The following BCL2L14 variants were observed in gnomAD, a reference collection of about 807,000 sequenced individuals.
BCL2L14 encodes the protein BCL2 like 14.
BCL2L14 carries 27 observed loss-of-function variants against 35.3 expected under a neutral mutation model. That is an observed-to-expected ratio of 0.76 (90% CI 0.56 to 1.05). The LOEUF (loss-of-function observed/expected upper bound fraction) is 1.05. BCL2L14 is among the 50% of genes least tolerant of loss of function. The pLI is 0.00. For synonymous variants in BCL2L14, 139 were observed against 145.9 expected, an observed-to-expected ratio of 0.95 and a Z score of 0.34; for missense variants, 377 against 382.6, an observed-to-expected ratio of 0.99 and a Z score of 0.12.
chr12:12,099,104 A>C lies in BCL2L14; in HGVS notation c.*116A>C. On this transcript the variant is annotated 3_prime_UTR_variant, in exon 6 of 6. Transcript: ENST00000308721. ...AGGCAGATGGAGCATTGACGTTTTC[A>C]AAACCATTATTCCTGTGACTGGAGA... is the stretch of plus-strand genomic sequence containing the variant. The C allele has an allele frequency of 1.3e-6, 1 of 756,820 alleles. No individual in the cohort carries two copies. The highest frequency in any genetic ancestry group is 2.3e-5 in the Admixed American group (1 of 44,032). 46.9% of individuals were successfully genotyped at this position (756,820 alleles called of 1,614,324 possible).
At chr12:12,098,594 G>A (rs1949364418) in intron 5 of BCL2L14, among the ~76,000 whole-genome samples, 2 of 152,158 alleles carry the variant, frequency 1.3e-5, no homozygotes, top group Admixed American at 6.5e-5. Context: ...TAGTTACCCT[G>A]CAGTCCTGCA....
At chr12:12,084,510 C>T (rs1424364805) in intron 2 of BCL2L14, among the ~76,000 whole-genome samples, 3 of 152,052 alleles carry the variant, frequency 2.0e-5, no homozygotes, top group South Asian at 2.1e-4. Flanking sequence ...AGACCACAGG[C>T]GAAATGGGAC....
At chr12:12,097,037 A>C (rs6488501) in intron 5 of BCL2L14, among the ~76,000 whole-genome samples, 4 of 151,950 alleles carry the variant, frequency 2.6e-5, no homozygotes, top group Non-Finnish European at 1.5e-5. Flanking sequence ...CCAGCTACTC[A>C]GGGGGGCTGA....
upstream of BCL2L14, among the ~76,000 whole-genome samples, chr12:12,066,748 C>T (rs1948599331): frequency 6.6e-6 from 1 of 151,562 alleles, no homozygotes; most frequent in Middle Eastern, 3.4e-3. Context: ...CAGAGTCTCG[C>T]TCTGTCGCCC....
At chr12:12,088,120 G>C (rs1248664637) in intron 3 of BCL2L14, among the ~76,000 whole-genome samples, 2 of 152,188 alleles carry the variant, frequency 1.3e-5, no homozygotes, top group Non-Finnish European at 2.9e-5. Context: ...AGGGAATCGA[G>C]GACATGGACA....
intron 1 of BCL2L14, among the ~76,000 whole-genome samples, chr12:12,072,671 T>TA (rs1948692441): frequency 6.6e-6 from 1 of 152,130 alleles, no homozygotes; most frequent in African/African-American, 2.4e-5. Flanking sequence ...GCATAAAACT[T>TA]ATGGTTTACC....
intron 2 of BCL2L14, among the ~76,000 whole-genome samples, chr12:12,081,254 G>A (rs1362337784): frequency 2.0e-5 from 3 of 151,922 alleles, no homozygotes; most frequent in Admixed American, 6.6e-5. Context: ...TTTGAGATCA[G>A]CCTGGCATCA....
chr12:12,087,234 C>G lies in BCL2L14; in HGVS notation c.455C>G (p.Ser152Cys), dbSNP rs751775178. The change falls in exon 3 of 6, where the codon TCC becomes TGC. Residue 152 changes from serine to cysteine, a missense_variant. Physicochemically the swap from Ser to Cys is moderately radical, Grantham distance 112 (BLOSUM62 -1). Coordinates refer to ENST00000308721, the MANE Select transcript of BCL2L14 (RefSeq NM_138723.2). ...EHEAVDPKVI[S>C]IANRVAEIVY... ...TCAGCTGTGGACCCCAAAGTCATTT[C>G]CATTGCCAACCGAGTAGCTGAAATT... The G allele has an allele frequency of 6.2e-7, 1 of 1,614,182 alleles. No homozygotes were observed. Among genetic ancestry groups the G allele is most frequent in the East Asian group, 2.2e-5 (1 of 44,884 alleles).
chr12:12,060,207 C>G (rs1408557687), intron 2 of BCL2L14, among the ~76,000 whole-genome samples: 5 of 151,448 alleles, frequency 3.3e-5, no homozygotes, highest in Admixed American at 1.3e-4. Context: ...TAGCCCTCCC[C>G]CTCCTGCCCA....
chr12:12,079,704 T>C lies in BCL2L14; in HGVS notation c.399T>C (p.Cys133=), dbSNP rs766180403. 4 of 1,614,138 alleles carry C rather than the reference T, an allele frequency of 2.5e-6. 1 individual carries two copies. The South Asian group carries it at 4.4e-5, about 18-fold the overall frequency. Residue 133 remains cysteine (C), a synonymous_variant, in exon 2 of 6, where the codon TGT becomes TGC. Coordinates refer to ENST00000308721, the MANE Select transcript of BCL2L14 (RefSeq NM_138723.2). ...CGCACAGCCAGCAGTGGTCCAGGTG[T>C]CTTTCTAACGTGGAGCAGTGCTTGG... ...QDSHSQQWSR[C]LSNVEQCLEH... is the part of the protein sequence containing the mutation.
rs772882119 is a variant in BCL2L14 at position 12,094,696 on chromosome 12, C to A, written c.711C>A (p.Phe237Leu). 1 of 1,614,078 alleles carries A rather than the reference C, an allele frequency of 6.2e-7. No homozygotes were observed. Among genetic ancestry groups the A allele is most frequent in the African/African-American group, 1.3e-5 (1 of 74,924 alleles). ...LKKDKALMGH[F>L]QDGLSYSVFK... is the part of the protein sequence containing the mutation. Reference sequence around the variant, plus strand: ...AAGATAAGGCTTTGATGGGCCACTTCCAGGATGGGCTGTCCTACTCTGTTT... The same window carrying A: ...AAGATAAGGCTTTGATGGGCCACTTACAGGATGGGCTGTCCTACTCTGTTT... The change falls in exon 5 of 6, where the codon TTC becomes TTA. Residue 237 changes from phenylalanine (F) to leucine (L), a missense_variant. By Grantham distance (22) the Phe-to-Leu change is conservative (BLOSUM62 0). Transcript: ENST00000308721.
At chr12:12,082,193 T>TC (rs2136754494) in intron 2 of BCL2L14, among the ~76,000 whole-genome samples, 1 of 152,338 alleles carries the variant, frequency 6.6e-6, no homozygotes, top group East Asian at 1.9e-4. Context: ...GAGCCTGGAC[T>TC]CACCAGAAGT....
upstream of BCL2L14, chr12:12,068,079 G>A: frequency 2.5e-6 from 1 of 396,914 alleles, no homozygotes; most frequent in East Asian, 3.6e-5. Flanking sequence ...GAGTAGCTGA[G>A]ACTACAGGTG....
At chr12:12,086,716 G>C (rs1949050080) in intron 2 of BCL2L14, among the ~76,000 whole-genome samples, 1 of 152,204 alleles carries the variant, frequency 6.6e-6, no homozygotes, top group Non-Finnish European at 1.5e-5. Context: ...TAATGGACTT[G>C]GATGATGAAT....
At chr12:12,051,074 T>A (rs1204288805) in intron 1 of BCL2L14, among the ~76,000 whole-genome samples, 2 of 152,114 alleles carry the variant, frequency 1.3e-5, no homozygotes, top group Non-Finnish European at 2.9e-5. Flanking sequence ...AACTCAGGAC[T>A]TTTCACTGTA....
chr12:12,088,834 AG>A (rs1949104367), intron 3 of BCL2L14, among the ~76,000 whole-genome samples: 1 of 152,128 alleles, frequency 6.6e-6, no homozygotes, highest in South Asian at 2.1e-4. Flanking sequence ...ACAGAGGCTC[AG>A]GGGACCGTGT....
intron 2 of BCL2L14, chr12:12,051,972 A>C (rs1948363100): frequency 6.6e-6 from 1 of 152,258 alleles, no homozygotes; most frequent in Non-Finnish European, 1.5e-5. Context: ...AGTTGGAAAG[A>C]CTTCAACAAT....
chr12:12,057,648 T>G (rs1236175440), intron 2 of BCL2L14, among the ~76,000 whole-genome samples: 1 of 151,038 alleles, frequency 6.6e-6, no homozygotes, highest in Non-Finnish European at 1.5e-5. Context: ...TCCCAGCTAC[T>G]AGGGAGGCTG....
At chr12:12,052,520 G>C (rs1948372824) in intron 2 of BCL2L14, among the ~76,000 whole-genome samples, 1 of 152,178 alleles carries the variant, frequency 6.6e-6, no homozygotes, top group Admixed American at 6.5e-5. Flanking sequence ...GTGTCCTCCA[G>C]ATTCATCCAT....
Sources: gnomAD v4.1 joint callset for allele counts (sites outside exome capture counted in the v4.1 genomes callset) on GRCh38, gnomAD v4.1.1 for gene constraint, MANE v1.5 for transcripts, NCBI Gene and HGNC (gene_info 2026-07-23, HGNC 2026-07-21) for gene names.